PUDP: variants seen among roughly 807,000 people sequenced by gnomAD.
The protein encoded by PUDP is pseudouridine 5'-phosphatase.
PUDP carries 8 observed loss-of-function variants against 9.4 expected under a neutral mutation model. The observed-to-expected ratio is 0.85, with a 90% CI of 0.50 to 1.53. PUDP has a LOEUF of 1.53. Among genes scored for constraint, PUDP ranks in the 40% most tolerant of loss-of-function variants. The pLI is 0.00. For synonymous variants in PUDP, 99 were observed against 80.7 expected (o/e 1.23, Z -1.22); for missense variants, 188 against 189.7 (o/e 0.99, Z 0.05).
chrX:7,147,975 G>C, intron 1 of PUDP, 78 bp downstream of exon 1: 1 of 799,907 alleles, frequency 1.3e-6, no homozygotes, highest in Non-Finnish European at 1.8e-6. Flanking sequence ...CCCCCAGGCC[G>C]TGACGTACCC....
chrX:7,046,786 C>T (rs1929988398), downstream of PUDP, among the ~76,000 whole-genome samples: 1 of 112,136 alleles, frequency 8.9e-6, no homozygotes, highest in African/African-American at 3.2e-5. Context: ...AAGCCTTCAT[C>T]TTCGCTCAGA....
intron 3 of PUDP, among the ~76,000 whole-genome samples, chrX:6,848,424 T>C (rs1926779858): frequency 8.9e-6 from 1 of 112,353 alleles, no homozygotes; most frequent in Non-Finnish European, 1.9e-5. Flanking sequence ...TTACCTCTGT[T>C]ATATGGGACT....
chrX:6,780,745 A>C (rs75666726), intron 3 of PUDP, among the ~76,000 whole-genome samples: 1 of 109,489 alleles, frequency 9.1e-6, no homozygotes, highest in Non-Finnish European at 1.9e-5. Context: ...ACACACACAC[A>C]CCCCACCACC....
intron 3 of PUDP, among the ~76,000 whole-genome samples, chrX:6,967,183 C>T (rs192142518): frequency 5.7e-3 from 641 of 111,866 alleles, no homozygotes; most frequent in Non-Finnish European, 9.3e-3. Context: ...CATCTGCAGC[C>T]GCCCTGGCCT....
intron 1 of PUDP, among the ~76,000 whole-genome samples, chrX:6,986,962 T>C (rs1469054597): frequency 2.7e-5 from 3 of 112,268 alleles, no homozygotes; most frequent in African/African-American, 9.7e-5. Flanking sequence ...AACGTTTGCA[T>C]GCAACCCTCC....
At chrX:6,725,582 T>C (rs934110045), upstream of PUDP, among the ~76,000 whole-genome samples, 3 of 112,007 alleles carry the variant, frequency 2.7e-5, no homozygotes, top group East Asian at 8.4e-4. Flanking sequence ...GACTCTTAGG[T>C]TGATTCCATA....
At chrX:6,737,055 C>T (rs907880455) in intron 3 of PUDP, among the ~76,000 whole-genome samples, 3 of 110,718 alleles carry the variant, frequency 2.7e-5, no homozygotes, top group Non-Finnish European at 5.7e-5. Context: ...ACACAGAGGA[C>T]GAGACAATGT....
intron 3 of PUDP, among the ~76,000 whole-genome samples, chrX:6,839,320 T>C (rs1282044043): frequency 9.0e-6 from 1 of 111,686 alleles, no homozygotes; most frequent in Non-Finnish European, 1.9e-5. Context: ...TAGGATTAGG[T>C]CCCTCATGTC....
chrX:7,127,728 T>G (rs1384558663), intron 1 of PUDP, among the ~76,000 whole-genome samples: 2 of 112,507 alleles, frequency 1.8e-5, no homozygotes, highest in Non-Finnish European at 3.7e-5. Context: ...ATGAGAACAA[T>G]AATGCTAATA....
In PUDP at chrX:6,748,031, A is replaced by G. The variant is rs141966542; in HGVS notation, c.*248-41565T>C. 1.0e-3 allele frequency among the ~76,000 whole-genome samples: 117 copies of G among 112,396 alleles called. 1 individual carries two copies. Among genetic ancestry groups the G allele is most frequent in the African/African-American group, 3.5e-3 (107 of 30,993 alleles). On this transcript the variant is annotated intron_variant and NMD_transcript_variant, in intron 3 of 3. Coordinates refer to the PUDP transcript ENST00000655425. ...AAAATAAGTCTCCTCTGTTTTGTAT[A>G]AGAGCAAATTGTCTTTCCATATCAG... is the stretch of plus-strand genomic sequence containing the variant.
intron 3 of PUDP, among the ~76,000 whole-genome samples, chrX:7,055,154 G>GT (rs1009779588): frequency 7.2e-5 from 8 of 111,655 alleles, no homozygotes; most frequent in South Asian, 3.8e-4. Flanking sequence ...TGTTGGTTTG[G>GT]TTTTTTTCCC....
At chrX:7,064,300 T>C (rs1055535212) in intron 3 of PUDP, among the ~76,000 whole-genome samples, 8 of 111,424 alleles carry the variant, frequency 7.2e-5, no homozygotes, top group African/African-American at 2.6e-4. Flanking sequence ...AGGCAAGCTG[T>C]TGATCCGCAT....
intron 3 of PUDP, among the ~76,000 whole-genome samples, chrX:6,882,881 C>A (rs1226574347): frequency 4.5e-5 from 5 of 111,163 alleles, no homozygotes; most frequent in Admixed American, 1.9e-4. Context: ...CATCAGGATT[C>A]TAGGCAAGAG....
intron 1 of PUDP, among the ~76,000 whole-genome samples, chrX:6,708,799 GAGA>G (rs906197240): frequency 9.0e-6 from 1 of 111,468 alleles, no homozygotes; most frequent in Non-Finnish European, 1.9e-5. Flanking sequence ...TCGTTTCTCC[GAGA>G]AGAACTGTCC....
intron 3 of PUDP, among the ~76,000 whole-genome samples, chrX:6,960,943 G>A (rs1222697063): frequency 8.9e-6 from 1 of 112,076 alleles, no homozygotes; most frequent in African/African-American, 3.2e-5. Context: ...AAATGGGCAT[G>A]GGTTTGTTGC....
chrX:6,830,209 C>T (rs985621618), intron 3 of PUDP, among the ~76,000 whole-genome samples: 1 of 110,367 alleles, frequency 9.1e-6, no homozygotes, highest in Non-Finnish European at 1.9e-5. Context: ...AAAAGCAACA[C>T]GGATCTAGGA....
chrX:7,125,210 C>T (rs1158296849), intron 1 of PUDP, among the ~76,000 whole-genome samples: 1 of 111,269 alleles, frequency 9.0e-6, no homozygotes, highest in Non-Finnish European at 1.9e-5. Flanking sequence ...GCATGCTAGG[C>T]CTTCGTTATT....
intron 1 of PUDP, among the ~76,000 whole-genome samples, chrX:7,144,523 T>C (rs1932828811): frequency 9.0e-6 from 1 of 111,533 alleles, no homozygotes; most frequent in Non-Finnish European, 1.9e-5. Flanking sequence ...ATCCCATCAG[T>C]ACTGGGCTTG....
At chrX:6,982,645 A>G (rs761544203) in intron 1 of PUDP, among the ~76,000 whole-genome samples, 7 of 111,765 alleles carry the variant, frequency 6.3e-5, no homozygotes, top group Non-Finnish European at 1.3e-4. Flanking sequence ...CAACCTCCAG[A>G]ATGATGCCTG....
Sources: gnomAD v4.1 joint callset for allele counts (sites outside exome capture counted in the v4.1 genomes callset) on GRCh38, gnomAD v4.1.1 for gene constraint, MANE v1.5 for transcripts, NCBI Gene and HGNC (gene_info 2026-07-23, HGNC 2026-07-21) for gene names.